The following NFIB variants were observed in gnomAD, a reference collection of about 807,000 sequenced individuals.
NFIB encodes the protein nuclear factor 1 B-type.
Under a neutral mutation model 61.5 loss-of-function variants are expected in NFIB, and 11 were observed. The observed-to-expected ratio is 0.18, with a 90% confidence interval of 0.11 to 0.30. The LOEUF is 0.30. Among genes scored for constraint, NFIB ranks in the 10% least tolerant of loss-of-function variants. NFIB has a pLI of 1.00. For synonymous variants in NFIB, 260 were observed against 216.5 expected, an observed-to-expected ratio of 1.20 and a Z score of -1.76; for missense variants, 471 against 608.9, an observed-to-expected ratio of 0.77 and a Z score of 2.38.
At chr9:14,233,133 T>G (rs895165670) in intron 2 of NFIB, among the ~76,000 whole-genome samples, 1 of 152,242 alleles carries the variant, frequency 6.6e-6, no homozygotes, top group Non-Finnish European at 1.5e-5. Context: ...ATGTCATTAC[T>G]GCTCTTCAAA....
chr9:14,507,977 C>T, the NFIB span, among the ~76,000 whole-genome samples: 2 of 125,148 alleles, frequency 1.6e-5, no homozygotes, highest in East Asian at 5.9e-4. Flanking sequence ...CACAAACACA[C>T]ACACACACAC....
At chr9:14,344,416 G>C (rs567625555) in intron 1 of NFIB, among the ~76,000 whole-genome samples, 5 of 151,898 alleles carry the variant, frequency 3.3e-5, no homozygotes, top group East Asian at 1.9e-4. Context: ...TCAGAAGGGG[G>C]GGGTAGAGGG....
At chr9:14,173,838 T>C (rs2045845887) in intron 3 of NFIB, among the ~76,000 whole-genome samples, 1 of 152,194 alleles carries the variant, frequency 6.6e-6, no homozygotes, top group Non-Finnish European at 1.5e-5. Context: ...CATTCCTAAA[T>C]TGTCCCCTTT....
At chr9:14,527,452 G>A in the NFIB span, among the ~76,000 whole-genome samples, 1 of 152,188 alleles carries the variant, frequency 6.6e-6, no homozygotes, top group Non-Finnish European at 1.5e-5. Flanking sequence ...TAATTACCAT[G>A]ACACTGAGTG....
At chr9:14,430,683 G>GT in the NFIB span, among the ~76,000 whole-genome samples, 1 of 152,176 alleles carries the variant, frequency 6.6e-6, no homozygotes, top group Non-Finnish European at 1.5e-5. Flanking sequence ...CCAGGTTCAA[G>GT]TGAGTCTCAT....
At chr9:14,442,619 C>A in the NFIB span, among the ~76,000 whole-genome samples, 3 of 152,066 alleles carry the variant, frequency 2.0e-5, no homozygotes, top group Non-Finnish European at 4.4e-5. Context: ...TAATCTTTGG[C>A]GGTCCCTGGC....
chr9:14,382,732 CA>C lies in NFIB; in HGVS notation c.108+15791del, dbSNP rs533216635. ...AACATGTGTCTATCAATAGGATAAC[CA>C]AAAAAAGTCATATATTCACCCAAGG... is the stretch of plus-strand genomic sequence containing the variant. On this transcript the variant is annotated intron_variant, in intron 1 of 8. Coordinates refer to the NFIB transcript ENST00000380934. Among the ~76,000 whole-genome samples the C allele has an allele frequency of 1.9e-3, 285 of 151,588 alleles. 1 individual carries two copies. The highest frequency in any genetic ancestry group is 3.4e-3 in the Middle Eastern group (1 of 294).
In NFIB at chr9:14,088,453, TAC is replaced by T. The variant is rs1246118529; in HGVS notation, c.1468-129_1468-128del. The T allele has an allele frequency of 1.0e-5, 10 of 998,236 alleles. No homozygotes were observed. In the East Asian group the frequency reaches 2.8e-4, roughly 28 times the overall value. 61.8% of individuals were successfully genotyped at this position (998,236 alleles called of 1,614,324 possible). On this transcript the variant is annotated intron_variant, in intron 10 of 10. Coordinates refer to ENST00000380953, the MANE Select transcript of NFIB (RefSeq NM_001190737.2). ...TTATTGCTATCCCTATTTTCAAAAT[TAC>T]AGTCTAATATGAGATAAATGTGCCA...
intron 2 of NFIB, among the ~76,000 whole-genome samples, chr9:14,181,573 G>A (rs905268736): frequency 2.0e-5 from 3 of 152,204 alleles, no homozygotes; most frequent in African/African-American, 7.2e-5. Context: ...CAGGCCTGGA[G>A]TATGATAGCT....
intron 2 of NFIB, among the ~76,000 whole-genome samples, chr9:14,284,220 G>T (rs2058567601): frequency 6.6e-6 from 1 of 152,192 alleles, no homozygotes; most frequent in Non-Finnish European, 1.5e-5. Context: ...TTAATGGGGG[G>T]AATGGGACAT....
chr9:14,191,829 A>T (rs188248990), intron 2 of NFIB, among the ~76,000 whole-genome samples: 1 of 152,238 alleles, frequency 6.6e-6, no homozygotes, highest in Non-Finnish European at 1.5e-5. Flanking sequence ...ACCATTACAT[A>T]TGGCTAATGT....
intron 2 of NFIB, among the ~76,000 whole-genome samples, chr9:14,219,220 A>G (rs2051325207): frequency 6.6e-6 from 1 of 152,040 alleles, no homozygotes; most frequent in African/African-American, 2.4e-5. Flanking sequence ...TTTGTTTTTG[A>G]TTCTACGTAT....
intron 2 of NFIB, among the ~76,000 whole-genome samples, chr9:14,232,052 A>G (rs2053250531): frequency 6.6e-6 from 1 of 152,200 alleles, no homozygotes; most frequent in Non-Finnish European, 1.5e-5. Flanking sequence ...GTCTCTTATC[A>G]GTATGGAACA....
rs2060407718 is a variant in NFIB, at chr9:14,313,835, G to T, written c.-324C>A. ...GCTTTTCGCCTGGGTTTGGGGATTT[G>T]TTTTCTATTTTGCAGTTGTTGTTGT... On this transcript the variant is annotated 5_prime_UTR_variant, in exon 1 of 11. Transcript: ENST00000380953. This position sits in a 1 kb window ranked among gnomAD's most constrained non-coding sequence, Gnocchi z 4.5. The T allele has an allele frequency of 7.9e-7, 1 of 1,270,690 alleles. No individual in the cohort carries two copies. The highest frequency in any genetic ancestry group is 1.0e-6 in the Non-Finnish European group (1 of 1,004,232). The allele number at this position is 1,270,690 out of a possible 1,614,324, so 78.7% of individuals were successfully genotyped here. A position where few individuals can be genotyped will look rare whatever the true frequency, so the allele number is the denominator to read the frequency against.
the NFIB span, among the ~76,000 whole-genome samples, chr9:14,517,389 G>C: frequency 6.6e-6 from 1 of 152,146 alleles, no homozygotes; most frequent in Admixed American, 6.5e-5. Context: ...AAGGGTGCCT[G>C]CTTATTCCTG....
rs1182298555 is a variant in NFIB, at chr9:14,125,727, G to T, written c.965C>A (p.Pro322Gln). 7.4e-6 allele frequency: 12 copies of T among 1,614,106 alleles called. No individual in the cohort carries two copies. The highest frequency in any genetic ancestry group is 1.0e-5 in the Non-Finnish European group (12 of 1,179,996). ...SPTTMKKPEKPLFSSASPQDS... is the reference protein window; with the variant it reads ...SPTTMKKPEKQLFSSASPQDS... ...CTGTGGAGATGCAGAGCTGAACAATGGCTTTTCAGGCTTCTTCATAGTAGT... is the reference window on the plus strand; with the variant it reads ...CTGTGGAGATGCAGAGCTGAACAATTGCTTTTCAGGCTTCTTCATAGTAGT... The change falls in exon 7 of 11, where the codon CCA becomes CAA. Residue 322 changes from proline (P) to glutamine (Q), a missense_variant. Physicochemically the swap from Pro to Gln is moderately conservative, Grantham distance 76 (BLOSUM62 -1). Transcript: ENST00000380953.
At chr9:14,327,898 G>T (rs2060774350) in intron 1 of NFIB, among the ~76,000 whole-genome samples, 1 of 152,132 alleles carries the variant, frequency 6.6e-6, no homozygotes, top group African/African-American at 2.4e-5. Flanking sequence ...TACCACTATG[G>T]TTCATGATGT....
At chr9:14,363,247 G>C (rs2061260974) in intron 1 of NFIB, among the ~76,000 whole-genome samples, 1 of 152,164 alleles carries the variant, frequency 6.6e-6, no homozygotes, top group Admixed American at 6.5e-5. Context: ...CTGGGACTGA[G>C]ACTACTCCGT....
chr9:14,285,407 C>T (rs1282263751), intron 2 of NFIB, among the ~76,000 whole-genome samples: 1 of 152,222 alleles, frequency 6.6e-6, no homozygotes, highest in Non-Finnish European at 1.5e-5. Flanking sequence ...CAGGCGTGAG[C>T]CATCGCGCCC....
Sources: gnomAD v4.1 joint callset for allele counts (sites outside exome capture counted in the v4.1 genomes callset) on GRCh38, gnomAD v4.1.1 for gene constraint, Gnocchi (gnomAD v3.1) non-coding constraint, MANE v1.5 for transcripts, NCBI Gene and HGNC (gene_info 2026-07-23, HGNC 2026-07-21) for gene names.